The following BACH1 variants were observed in gnomAD, a reference collection of about 807,000 sequenced individuals.
The protein encoded by BACH1 is transcription regulator protein BACH1.
Under a neutral mutation model 52.9 loss-of-function variants are expected in BACH1, and 35 were observed. The observed-to-expected ratio is 0.66, with a 90% confidence interval of 0.51 to 0.88. The LOEUF is 0.88. Ranked by LOEUF, BACH1 falls within the 40% of genes least tolerant of loss-of-function variation. The probability of loss-of-function intolerance (pLI) is 0.00; values close to 1 mark genes in which losing one functional copy is unlikely to be tolerated. For synonymous variants in BACH1, 321 were observed against 319.6 expected, an observed-to-expected ratio of 1.00 and a Z score of -0.05; for missense variants, 808 against 872.6, an observed-to-expected ratio of 0.93 and a Z score of 0.93.
downstream of BACH1, among the ~76,000 whole-genome samples, chr21:29,350,229 A>G (rs1045046324): frequency 3.9e-5 from 6 of 152,148 alleles, no homozygotes; most frequent in Admixed American, 1.3e-4. Flanking sequence ...AAGACTCCCA[A>G]TCACATGCGT....
rs1260517670 is a variant in BACH1 at position 29,326,969 on chromosome 21, C to G, written c.1145C>G (p.Ala382Gly). ...GGCACCAGGGAAGATAGTAGTGTTG[C>G]ATCTAGTGATAGGAGTAGTGTGGAG... ...DLGTREDSSVASSDRSSVERE... is the reference protein window; with the variant it reads ...DLGTREDSSVGSSDRSSVERE... The change falls in exon 3 of 5, where the codon GCA becomes GGA. Residue 382 changes from alanine to glycine, a missense_variant. Transcript: ENST00000286800. 2 of 1,614,200 alleles carry G rather than the reference C, an allele frequency of 1.2e-6. No individual in the cohort carries two copies. Among genetic ancestry groups the G allele is most frequent in the Non-Finnish European group, 1.7e-6 (2 of 1,180,030 alleles).
At chr21:29,337,966 AC>A (rs2089065192) in intron 4 of BACH1, among the ~76,000 whole-genome samples, 1 of 152,092 alleles carries the variant, frequency 6.6e-6, no homozygotes, top group Non-Finnish European at 1.5e-5. Flanking sequence ...AACAAAAAAA[AC>A]GAGTTAATGG....
rs748055425 is a variant in BACH1, at chr21:29,326,937, C to T, written c.1113C>T (p.Ser371=). 9.9e-6 allele frequency: 16 copies of T among 1,614,144 alleles called. No individual in the cohort carries two copies. The highest frequency in any genetic ancestry group is 3.3e-5 in the South Asian group (3 of 91,080). ...AAAGTCAGGATTTACCTTTGAAATC[C>T]GACTTGGGCACCAGGGAAGATAGTA... ...FGESQDLPLK[S]DLGTREDSSV... Residue 371 remains serine (S), a synonymous_variant, in exon 3 of 5, where the codon TCC becomes TCT. Coordinates refer to ENST00000286800, the MANE Select transcript of BACH1 (RefSeq NM_001186.4).
intron 1 of BACH1, among the ~76,000 whole-genome samples, chr21:29,304,772 G>A (rs1160068526): frequency 6.6e-6 from 1 of 152,058 alleles, no homozygotes; most frequent in East Asian, 1.9e-4. Context: ...GAAGAAATAG[G>A]GCGACCTATC....
chr21:29,337,066 A>G (rs1169104075), intron 4 of BACH1, among the ~76,000 whole-genome samples: 1 of 152,162 alleles, frequency 6.6e-6, no homozygotes. Context: ...AGGATAAGTA[A>G]TAGTCATTAT....
chr21:29,306,270 C>G (rs2088656518), intron 1 of BACH1, among the ~76,000 whole-genome samples: 1 of 150,884 alleles, frequency 6.6e-6, no homozygotes, highest in Non-Finnish European at 1.5e-5. Context: ...CTTGTTTTGT[C>G]CTTGGCAAGT....
chr21:29,298,982 T>C, intron 1 of BACH1, 29 bp downstream of exon 1: 1 of 151,708 alleles, frequency 6.6e-6, no homozygotes, highest in Non-Finnish European at 1.5e-5. Context: ...CCGCCGGCCC[T>C]TCTCCGGGAG....
intron 1 of BACH1, among the ~76,000 whole-genome samples, chr21:29,304,409 G>A (rs1195375108): frequency 6.6e-6 from 1 of 152,150 alleles, no homozygotes; most frequent in Non-Finnish European, 1.5e-5. Flanking sequence ...ACAGGCGTGA[G>A]CCACTGTGCC....
chr21:29,326,746 C>A lies in BACH1; in HGVS notation c.922C>A (p.Pro308Thr), dbSNP rs754294251. 1 of 1,614,038 alleles carries A rather than the reference C, an allele frequency of 6.2e-7. No individual in the cohort carries two copies. The highest frequency in any genetic ancestry group is 8.5e-7 in the Non-Finnish European group (1 of 1,180,040). Residue 308 changes from proline to threonine, a missense_variant, in exon 3 of 5, where the codon CCT becomes ACT. Physicochemically the swap from Pro to Thr is conservative, Grantham distance 38 (BLOSUM62 -1). Transcript: ENST00000286800. The part of the protein sequence containing the change: ...QCPTEKSEVT[P>T]FPHNSSIDPH... ...CCCAACTGAAAAATCAGAAGTGACTCCTTTCCCCCACAATTCTTCCATAGA... is the reference window on the plus strand; with the variant it reads ...CCCAACTGAAAAATCAGAAGTGACTACTTTCCCCCACAATTCTTCCATAGA...
chr21:29,301,728 T>G (rs2088605740), intron 1 of BACH1, among the ~76,000 whole-genome samples: 1 of 152,222 alleles, frequency 6.6e-6, no homozygotes, highest in Non-Finnish European at 1.5e-5. Flanking sequence ...GAGTGTAATA[T>G]GTATAGCATA....
intron 2 of BACH1, among the ~76,000 whole-genome samples, chr21:29,325,756 T>TC (rs944029563): frequency 1.3e-5 from 2 of 152,198 alleles, no homozygotes; most frequent in Admixed American, 6.5e-5. Context: ...ATTTTTTTTT[T>TC]CACTATCATG....
chr21:29,311,735 T>C (rs1031487062), intron 1 of BACH1, among the ~76,000 whole-genome samples: 9 of 152,198 alleles, frequency 5.9e-5, no homozygotes, highest in Non-Finnish European at 1.2e-4. Context: ...CTATTTCTTT[T>C]TCTTGTCTCA....
intron 2 of BACH1, among the ~76,000 whole-genome samples, chr21:29,352,041 A>C (rs1029608406): frequency 1.3e-5 from 2 of 151,962 alleles, no homozygotes; most frequent in Non-Finnish European, 2.9e-5. Context: ...ACCTGCAGTG[A>C]GACAGACCTA....
chr21:29,359,240 T>G (rs987464210), intron 2 of BACH1: 1 of 151,936 alleles, frequency 6.6e-6, no homozygotes, highest in African/African-American at 2.4e-5. Context: ...CTTTTTATAA[T>G]TTTTCCCTTA....
At chr21:29,313,130 G>A (rs1200231902) in intron 1 of BACH1, among the ~76,000 whole-genome samples, 1 of 152,124 alleles carries the variant, frequency 6.6e-6, no homozygotes, top group Non-Finnish European at 1.5e-5. Flanking sequence ...TCCTTGGGCT[G>A]CATTGGAAGA....
At chr21:29,329,338 AGATT>A in intron 3 of BACH1, 145 bp from the exon 4 acceptor site, 1 of 483,350 alleles carries the variant, frequency 2.1e-6, no homozygotes, top group South Asian at 6.4e-5. Flanking sequence ...TATCCTTTTG[AGATT>A]GTATAGAAAT....
intron 1 of BACH1, among the ~76,000 whole-genome samples, chr21:29,313,401 G>A (rs2088750364): frequency 6.6e-6 from 1 of 152,194 alleles, no homozygotes; most frequent in Non-Finnish European, 1.5e-5. Flanking sequence ...AAAAAGTTAG[G>A]CATGTGCCTA....
intron 4 of BACH1, among the ~76,000 whole-genome samples, chr21:29,338,414 C>T (rs1427318331): frequency 1.3e-5 from 2 of 152,116 alleles, no homozygotes; most frequent in Non-Finnish European, 2.9e-5. Context: ...CACTCTGTCA[C>T]CCAGGCTAGA....
At chr21:29,336,285 C>T (rs1297773195) in intron 4 of BACH1, among the ~76,000 whole-genome samples, 1 of 152,180 alleles carries the variant, frequency 6.6e-6, no homozygotes, top group Non-Finnish European at 1.5e-5. Flanking sequence ...CCTTTACTTC[C>T]CGTAAACTGG....
Sources: allele counts gnomAD v4.1 joint callset (sites outside exome capture counted in the v4.1 genomes callset), GRCh38; gene constraint gnomAD v4.1.1; transcripts MANE v1.5; gene names NCBI Gene and HGNC (gene_info 2026-07-23, HGNC 2026-07-21).